FEV: variants seen among roughly 807,000 people sequenced by gnomAD.
FEV encodes FEV transcription factor, ETS family member, also known as protein FEV.
FEV carries 14 observed loss-of-function variants against 20.5 expected under a neutral mutation model. The observed-to-expected ratio is 0.68, with a 90% confidence interval of 0.45 to 1.07. The LOEUF (loss-of-function observed/expected upper bound fraction) is 1.07, where lower values mean the gene tolerates loss of function less well. Among genes scored for constraint, FEV ranks in the 50% least tolerant of loss-of-function variants. FEV has a pLI of 0.00. For synonymous variants in FEV, 188 were observed against 163.7 expected (o/e 1.15, Z -1.13); for missense variants, 301 against 345.3 (o/e 0.87, Z 1.02).
Position 218,984,189 on chromosome 2 carries a change from A to C in FEV, c.127+42T>G. ...TACTGTCCGCCTGTGCCCTGACCCC[A>C]ACCAACCTCGCCTCCGCCGCCCAGC... On this transcript the variant is annotated intron_variant, in intron 2 of 2. Coordinates refer to ENST00000295727, the MANE Select transcript of FEV (RefSeq NM_017521.3). The surrounding 1 kb of genome is among the most constrained non-coding windows in gnomAD (Gnocchi z 5.0). 1.3e-6 allele frequency: 2 copies of C among 1,553,788 alleles called. No homozygotes were observed. The highest frequency in any genetic ancestry group is 1.7e-6 in the Non-Finnish European group (2 of 1,148,208).
rs1945396970 is a variant in FEV at position 218,982,264 on chromosome 2, GA to G, written c.128-9del. 6.4e-7 allele frequency: 1 copy of G among 1,564,836 alleles called. No individual in the cohort carries two copies. Among genetic ancestry groups the G allele is most frequent in the East Asian group, 2.3e-5 (1 of 42,646 alleles). On this transcript the variant is annotated splice_polypyrimidine_tract_variant and intron_variant, in intron 2 of 2. Transcript: ENST00000295727. ...GCTGGATCTGTCCGCTGCCTGTGGG[GA>G]GGGGGGCGGTCAGCCACAGGCGGGA...
chr2:218,984,291 C>A lies in FEV; in HGVS notation c.67G>T (p.Gly23Cys). 1 of 1,597,220 alleles carries A rather than the reference C, an allele frequency of 6.3e-7. No individual in the cohort carries two copies. The highest frequency in any genetic ancestry group is 8.5e-7 in the Non-Finnish European group (1 of 1,171,880). Residue 23 changes from glycine to cysteine, a missense_variant, in exon 2 of 3, where the codon GGT (glycine) becomes TGT (cysteine). Physicochemically the swap from Gly to Cys is radical, Grantham distance 159. Transcript: ENST00000295727. The surrounding 1 kb of genome is among the most constrained non-coding windows in gnomAD (Gnocchi z 5.0). ...GGGTTCTTCCCGTCCTTGAAGAGAC[C>A]GTCTCCGACGGGATCTGCAAGCAGC... ...NMYLPDPVGD[G>C]LFKDGKNPSW...
chr2:218,981,961 G>A lies in FEV; in HGVS notation c.423C>T (p.His141=), dbSNP rs762057968. The A allele has an allele frequency of 1.9e-6, 3 of 1,558,400 alleles. No homozygotes were observed. Among genetic ancestry groups the A allele is most frequent in the South Asian group, 2.4e-5 (2 of 84,710 alleles). The change falls in exon 3 of 3, where the codon CAC becomes CAT. Residue 141 remains histidine (H), a synonymous_variant. Transcript: ENST00000295727. This position sits in a 1 kb window ranked among gnomAD's most constrained non-coding sequence, Gnocchi z 4.5. The part of the protein sequence containing the change: ...LAQACQPPPA[H]AHAAAAAAAA... ...CAGCAGCTGCGGCGGCGGCATGAGC[G>A]TGCGCGGGCGGCGGCTGGCAGGCCT...
At position 218,981,174 on chromosome 2, in the gene FEV, C is replaced by T. The variant is rs752635825; in HGVS notation, c.*493G>A. The T allele has an allele frequency of 6.6e-5, 15 of 226,216 alleles. No individual in the cohort carries two copies. The highest frequency in any genetic ancestry group is 1.1e-4 in the Non-Finnish European group (13 of 113,700). 14.0% of individuals were successfully genotyped at this position (226,216 alleles called of 1,614,324 possible). ...AGTGTGGGGACAGGAGGAAGGGGGCCGTGTGTCACGGAGGACGGTGGCTTT... is the reference window on the plus strand; with the variant it reads ...AGTGTGGGGACAGGAGGAAGGGGGCTGTGTGTCACGGAGGACGGTGGCTTT... On this transcript the variant is annotated 3_prime_UTR_variant, in exon 3 of 3. Transcript: ENST00000295727. The surrounding 1 kb of genome is among the most constrained non-coding windows in gnomAD (Gnocchi z 4.5).
At chr2:218,982,358 G>T (rs1040433308) in intron 2 of FEV, 102 bp from the exon 3 acceptor site, 8 of 1,083,582 alleles carry the variant, frequency 7.4e-6, no homozygotes, top group Non-Finnish European at 1.0e-5. Context: ...AACCGGCACT[G>T]GGGGAGGAAA....
chr2:218,982,274 G>T lies in FEV; in HGVS notation c.128-18C>A. 1 of 1,552,732 alleles carries T rather than the reference G, an allele frequency of 6.4e-7. No homozygotes were observed. On this transcript the variant is annotated intron_variant, in intron 2 of 2. Coordinates refer to ENST00000295727, the MANE Select transcript of FEV (RefSeq NM_017521.3). ...TCCGCTGCCTGTGGGGAGGGGGGCG[G>T]TCAGCCACAGGCGGGAGCGGGGAGG...
Position 218,984,598 on chromosome 2 carries a change from G to T in FEV, c.53-293C>A, listed in dbSNP as rs1465243047. The T allele has an allele frequency of 2.5e-6, 1 of 402,806 alleles. No homozygotes were observed. The highest frequency in any genetic ancestry group is 4.5e-6 in the Non-Finnish European group (1 of 224,282). The allele number at this position is 402,806 out of a possible 1,614,324, so 25.0% of individuals were successfully genotyped here. On this transcript the variant is annotated intron_variant, in intron 1 of 2. Coordinates refer to ENST00000295727, the MANE Select transcript of FEV (RefSeq NM_017521.3). This position sits in a 1 kb window ranked among gnomAD's most constrained non-coding sequence, Gnocchi z 5.0. ...AACTGCGCCAGCCGAGCTGGAGCGC[G>T]AAGAGAAGAGGAGGGTGCCTGGAGG...
Position 218,983,834 on chromosome 2 carries a change from C to T in FEV, c.127+397G>A, listed in dbSNP as rs913639196. Among the ~76,000 whole-genome samples the T allele has an allele frequency of 2.0e-5, 3 of 152,172 alleles. No homozygotes were observed. In the East Asian group the frequency reaches 5.8e-4, roughly 29 times the overall value. On this transcript the variant is annotated intron_variant, in intron 2 of 2. Transcript: ENST00000295727. ...CGGAGGGTGAAGCAGGTGGCAGTAG[C>T]CAGGGTCTAGTGATTGGGAAGCCCG...
rs1264498799 is a variant in FEV, at chr2:218,984,740, C to T, written c.52+284G>A. 1.3e-5 allele frequency among the ~76,000 whole-genome samples: 2 copies of T among 152,120 alleles called. No homozygotes were observed. Among genetic ancestry groups the T allele is most frequent in the East Asian group, 3.9e-4 (2 of 5,172 alleles). ...CAGAGTACTCCACCACGCCAGAGACCCGTGCTTCCCCTCTCAGGCTCCTTC... is the reference window on the plus strand; with the variant it reads ...CAGAGTACTCCACCACGCCAGAGACTCGTGCTTCCCCTCTCAGGCTCCTTC... On this transcript the variant is annotated intron_variant, in intron 1 of 2. Transcript: ENST00000295727. The surrounding 1 kb of genome is among the most constrained non-coding windows in gnomAD (Gnocchi z 5.0).
Position 218,985,084 on chromosome 2 carries a change from G to A in FEV, c.-9C>T. ...GCGCCGCTCTGTCTCATCGCCGCCG[G>A]GGACTGGGCGGTGGGAGATGGGGGG... is the stretch of plus-strand genomic sequence containing the variant. On this transcript the variant is annotated 5_prime_UTR_variant, in exon 1 of 3. Coordinates refer to ENST00000295727, the MANE Select transcript of FEV (RefSeq NM_017521.3). The A allele has an allele frequency of 6.5e-7, 1 of 1,546,492 alleles. No individual in the cohort carries two copies. Among genetic ancestry groups the A allele is most frequent in the Middle Eastern group, 1.7e-4 (1 of 5,928 alleles).
chr2:218,981,722 G>A lies in FEV; in HGVS notation c.662C>T (p.Pro221Leu). 7.5e-7 allele frequency: 1 copy of A among 1,334,826 alleles called. No individual in the cohort carries two copies. Among genetic ancestry groups the A allele is most frequent in the Non-Finnish European group, 9.5e-7 (1 of 1,049,616 alleles). 82.7% of individuals were successfully genotyped at this position (1,334,826 alleles called of 1,614,324 possible). A position where few individuals can be genotyped will look rare whatever the true frequency, so the allele number is the denominator to read the frequency against. ...TGCGGCCACGGCCCCGAAGGGCCCG[G>A]GCGGGGGCTGCAAGCTGGGACTGGG... is the stretch of plus-strand genomic sequence containing the variant. ...LYPSPSLQPP[P>L]GPFGAVAAAS... is the part of the protein sequence containing the mutation. Residue 221 changes from proline (P) to leucine (L), a missense_variant, in exon 3 of 3, where the codon CCC (proline) becomes CTC (leucine). Physicochemically the swap from Pro to Leu is moderately conservative, Grantham distance 98. Transcript: ENST00000295727. This position sits in a 1 kb window ranked among gnomAD's most constrained non-coding sequence, Gnocchi z 4.5.
In FEV at chr2:218,984,791, C is replaced by T. The variant is rs1230677889; in HGVS notation, c.52+233G>A. On this transcript the variant is annotated intron_variant, in intron 1 of 2. Coordinates refer to ENST00000295727, the MANE Select transcript of FEV (RefSeq NM_017521.3). This position sits in a 1 kb window ranked among gnomAD's most constrained non-coding sequence, Gnocchi z 5.0. ...GGGTCCCTGAGTCCCGGCTCTTGGC[C>T]CCCAGGCTCCCAATCTGCTCATTTC... Among the ~76,000 whole-genome samples the T allele has an allele frequency of 3.3e-5, 5 of 152,190 alleles. No individual in the cohort carries two copies. The highest frequency in any genetic ancestry group is 4.4e-5 in the Non-Finnish European group (3 of 68,028).
chr2:218,981,904 G>A lies in FEV; in HGVS notation c.480C>T (p.Leu160=), dbSNP rs1361152044. The part of the protein sequence containing the change: ...AAAAAAQDGA[L]YKLPAGLAPL... ...GGGCGAGGCCGGCGGGCAGCTTGTA[G>A]AGCGCGCCGTCCTGGGCGGCCGCGG... The change falls in exon 3 of 3, where the codon CTC becomes CTT. Residue 160 remains leucine, a synonymous_variant. Transcript: ENST00000295727. This position sits in a 1 kb window ranked among gnomAD's most constrained non-coding sequence, Gnocchi z 4.5. 7.2e-6 allele frequency: 9 copies of A among 1,257,878 alleles called. No individual in the cohort carries two copies. The highest frequency in any genetic ancestry group is 3.6e-5 in the South Asian group (1 of 27,836). The allele number at this position is 1,257,878 out of a possible 1,614,324, so 77.9% of individuals were successfully genotyped here. A position where few individuals can be genotyped will look rare whatever the true frequency, so the allele number is the denominator to read the frequency against.
chr2:218,981,158 A>C lies in FEV; in HGVS notation c.*509T>G. On this transcript the variant is annotated 3_prime_UTR_variant, in exon 3 of 3. Coordinates refer to ENST00000295727, the MANE Select transcript of FEV (RefSeq NM_017521.3). The surrounding 1 kb of genome is among the most constrained non-coding windows in gnomAD (Gnocchi z 4.5). Reference sequence around the variant, plus strand: ...GGGAGTTTCTCCTGGGAGTGTGGGGACAGGAGGAAGGGGGCCGTGTGTCAC... The same window carrying C: ...GGGAGTTTCTCCTGGGAGTGTGGGGCCAGGAGGAAGGGGGCCGTGTGTCAC... The C allele has an allele frequency of 4.5e-6, 1 of 224,118 alleles. No individual in the cohort carries two copies. The highest frequency in any genetic ancestry group is 8.9e-6 in the Non-Finnish European group (1 of 112,294). 13.9% of individuals were successfully genotyped at this position (224,118 alleles called of 1,614,324 possible).
At position 218,985,093 on chromosome 2, in the gene FEV, C is replaced by T. The variant is rs1025228366; in HGVS notation, c.-18G>A. 6.8e-7 allele frequency: 1 copy of T among 1,460,064 alleles called. No homozygotes were observed. The allele number at this position is 1,460,064 out of a possible 1,614,324, so 90.4% of individuals were successfully genotyped here. ...TGTCTCATCGCCGCCGGGGACTGGG[C>T]GGTGGGAGATGGGGGGGACGGGGAA... On this transcript the variant is annotated 5_prime_UTR_variant, in exon 1 of 3. Transcript: ENST00000295727.
chr2:218,984,290 C>T lies in FEV; in HGVS notation c.68G>A (p.Gly23Asp). ...NMYLPDPVGD[G>D]LFKDGKNPSW... ...CGGGTTCTTCCCGTCCTTGAAGAGA[C>T]CGTCTCCGACGGGATCTGCAAGCAG... The change falls in exon 2 of 3, where the codon GGT becomes GAT. Residue 23 changes from glycine (G) to aspartate (D), a missense_variant. By Grantham distance (94) the Gly-to-Asp change is moderately conservative. Coordinates refer to ENST00000295727, the MANE Select transcript of FEV (RefSeq NM_017521.3). This position sits in a 1 kb window ranked among gnomAD's most constrained non-coding sequence, Gnocchi z 5.0. 6.3e-7 allele frequency: 1 copy of T among 1,598,112 alleles called. No individual in the cohort carries two copies.
chr2:218,984,684 C>T lies in FEV; in HGVS notation c.52+340G>A, dbSNP rs909510234. 2.6e-5 allele frequency among the ~76,000 whole-genome samples: 4 copies of T among 152,136 alleles called. No individual in the cohort carries two copies. Among genetic ancestry groups the T allele is most frequent in the Non-Finnish European group, 5.9e-5 (4 of 68,018 alleles). ...CGTGAGAGCGCAGGGGAGACGCCCG[C>T]GGACCACAGCCTTCTGGTACGGCTC... On this transcript the variant is annotated intron_variant, in intron 1 of 2. Coordinates refer to ENST00000295727, the MANE Select transcript of FEV (RefSeq NM_017521.3). The surrounding 1 kb of genome is among the most constrained non-coding windows in gnomAD (Gnocchi z 5.0).
chr2:218,981,744 T>C lies in FEV; in HGVS notation c.640A>G (p.Ser214Gly). 5 of 1,302,022 alleles carry C rather than the reference T, an allele frequency of 3.8e-6. No homozygotes were observed. The highest frequency in any genetic ancestry group is 4.8e-6 in the Non-Finnish European group (5 of 1,033,170). The allele number at this position is 1,302,022 out of a possible 1,614,324, so 80.7% of individuals were successfully genotyped here. A position where few individuals can be genotyped will look rare whatever the true frequency, so the allele number is the denominator to read the frequency against. ...CCGGGCGGGGGCTGCAAGCTGGGAC[T>C]GGGGTAGAGCGCGGCGGTGGCGGCG... ...AAAATAALYP[S>G]PSLQPPPGPF... The change falls in exon 3 of 3, where the codon AGT (serine) becomes GGT (glycine). Residue 214 changes from serine (S) to glycine (G), a missense_variant. By Grantham distance (56) the Ser-to-Gly change is moderately conservative. Coordinates refer to ENST00000295727, the MANE Select transcript of FEV (RefSeq NM_017521.3). The surrounding 1 kb of genome is among the most constrained non-coding windows in gnomAD (Gnocchi z 4.5).
rs962710264 is a variant in FEV, at chr2:218,984,686, G to A, written c.52+338C>T. Among the ~76,000 whole-genome samples the A allele has an allele frequency of 2.0e-4, 31 of 152,144 alleles. No individual in the cohort carries two copies. The highest frequency in any genetic ancestry group is 7.0e-4 in the African/African-American group (29 of 41,444). On this transcript the variant is annotated intron_variant, in intron 1 of 2. Transcript: ENST00000295727. The surrounding 1 kb of genome is among the most constrained non-coding windows in gnomAD (Gnocchi z 5.0). ...TGAGAGCGCAGGGGAGACGCCCGCG[G>A]ACCACAGCCTTCTGGTACGGCTCGG...
Sources: gnomAD v4.1 joint callset for allele counts (sites outside exome capture counted in the v4.1 genomes callset) on GRCh38, gnomAD v4.1.1 for gene constraint, Gnocchi (gnomAD v3.1) non-coding constraint, MANE v1.5 for transcripts, NCBI Gene and HGNC (gene_info 2026-07-23, HGNC 2026-07-21) for gene names.